The following PRLR variants were observed in gnomAD, a reference collection of about 807,000 sequenced individuals.
The protein encoded by PRLR is hPRL receptor.
Under a neutral mutation model 40.2 loss-of-function variants are expected in PRLR, and 13 were observed. The ratio of observed to expected loss-of-function variants is 0.32; its 90% CI spans 0.21 to 0.51. The LOEUF (loss-of-function observed/expected upper bound fraction) is 0.51. Among genes scored for constraint, PRLR ranks in the 20% least tolerant of loss-of-function variants. The pLI is 0.97. For missense variants in PRLR, 656 were observed against 747.3 expected (o/e 0.88, Z 1.42); for synonymous variants, 269 against 278.7 (o/e 0.97, Z 0.35).
chr5:35,227,822 C>G (rs1011332087), intron 1 of PRLR, among the ~76,000 whole-genome samples: 5 of 152,204 alleles, frequency 3.3e-5, no homozygotes, highest in African/African-American at 1.2e-4. Flanking sequence ...AGCCACAACA[C>G]TTCTTTCCAT....
intron 1 of PRLR, among the ~76,000 whole-genome samples, chr5:35,144,292 G>GTAGAACAT (rs1774111921): frequency 6.6e-6 from 1 of 152,156 alleles, no homozygotes; most frequent in Admixed American, 6.5e-5. Context: ...TTGGGGTATT[G>GTAGAACAT]TAGAACATTC....
At chr5:35,054,409 T>C (rs1768623043), downstream of PRLR, among the ~76,000 whole-genome samples, 2 of 146,640 alleles carry the variant, frequency 1.4e-5, no homozygotes, top group Non-Finnish European at 3.0e-5. Flanking sequence ...TGTTGCTAAA[T>C]AGGGGGATTA....
At position 35,193,611 on chromosome 5, in the gene PRLR, G is replaced by T. The variant is rs115407803; in HGVS notation, c.-106+36657C>A. Among the ~76,000 whole-genome samples the T allele has an allele frequency of 5.8e-3, 885 of 152,264 alleles. 12 individuals are homozygous for T. The highest frequency in any genetic ancestry group is 0.02 in the African/African-American group (835 of 41,558). Reference sequence around the variant, plus strand: ...TGGTCCTGCAATCTTTAGGTGAATTGTCAGACCCTCTGAGAGCTACCCCCT... The same window carrying T: ...TGGTCCTGCAATCTTTAGGTGAATTTTCAGACCCTCTGAGAGCTACCCCCT... On this transcript the variant is annotated intron_variant, in intron 1 of 9. Transcript: ENST00000618457.
chr5:35,187,203 C>T (rs1206007525), intron 1 of PRLR, among the ~76,000 whole-genome samples: 1 of 152,046 alleles, frequency 6.6e-6, no homozygotes, highest in Non-Finnish European at 1.5e-5. Flanking sequence ...GAGTTTGAGA[C>T]CAGTCTGGCC....
chr5:35,128,771 A>G (rs1385719251), intron 1 of PRLR, among the ~76,000 whole-genome samples: 1 of 152,188 alleles, frequency 6.6e-6, no homozygotes, highest in Non-Finnish European at 1.5e-5. Flanking sequence ...ACCTCCTCTG[A>G]GACTTGATAA....
At chr5:35,149,047 A>G (rs1274469104) in intron 1 of PRLR, among the ~76,000 whole-genome samples, 11 of 152,208 alleles carry the variant, frequency 7.2e-5, no homozygotes, top group Admixed American at 7.2e-4. Context: ...TGAGAAATAC[A>G]GCTTTAGGCT....
rs1473172174 is a variant in PRLR, at chr5:35,062,279, G to C, written c.*2810C>G. On this transcript the variant is annotated 3_prime_UTR_variant, in exon 10 of 10. Transcript: ENST00000618457. ...GGAGTCAGTTTCAAAGGACCTTAGA[G>C]GTTATCTGGTCCAACATCTTCAGAG... 1.3e-5 allele frequency: 2 copies of C among 152,152 alleles called. No individual in the cohort carries two copies. The highest frequency in any genetic ancestry group is 6.6e-5 in the Admixed American group (1 of 15,264). The allele number at this position is 152,152 out of a possible 1,614,324, so 9.4% of individuals were successfully genotyped here.
chr5:35,224,245 C>T (rs1220491211), intron 1 of PRLR, among the ~76,000 whole-genome samples: 1 of 152,208 alleles, frequency 6.6e-6, no homozygotes, highest in African/African-American at 2.4e-5. Context: ...GTTTACATAG[C>T]TCCCCGCCCC....
chr5:35,054,551 A>C (rs1768629595), downstream of PRLR, among the ~76,000 whole-genome samples: 1 of 152,226 alleles, frequency 6.6e-6, no homozygotes, highest in African/African-American at 2.4e-5. Flanking sequence ...TACAGCAGCT[A>C]TATGCATAAA....
chr5:35,168,973 C>G (rs1774924878), intron 1 of PRLR, among the ~76,000 whole-genome samples: 1 of 152,152 alleles, frequency 6.6e-6, no homozygotes, highest in African/African-American at 2.4e-5. Context: ...AAAGCAGGAT[C>G]TTCATGAAGC....
chr5:35,187,823 T>C (rs1463698281), intron 1 of PRLR, among the ~76,000 whole-genome samples: 2 of 152,134 alleles, frequency 1.3e-5, no homozygotes, highest in Non-Finnish European at 2.9e-5. Context: ...GTTTACCCAG[T>C]GAAATGAGAT....
At chr5:35,176,875 C>T (rs999514270) in intron 1 of PRLR, among the ~76,000 whole-genome samples, 1 of 152,180 alleles carries the variant, frequency 6.6e-6, no homozygotes, top group African/African-American at 2.4e-5. Flanking sequence ...AAGAGGAAGG[C>T]ATCTGTCTCC....
intron 1 of PRLR, among the ~76,000 whole-genome samples, chr5:35,204,050 CAT>C (rs1027707270): frequency 6.6e-5 from 10 of 151,918 alleles, no homozygotes; most frequent in African/African-American, 9.7e-5. Context: ...GTGGGAGGGA[CAT>C]GTGTGTTTCT....
At chr5:35,082,043 A>C (rs146532400) in intron 5 of PRLR, 1 of 153,824 alleles carries the variant, frequency 6.5e-6, no homozygotes, top group Non-Finnish European at 1.5e-5. Flanking sequence ...CAAGAGCAAG[A>C]GTGAGACCCT....
chr5:35,108,766 A>G (rs1772442859), intron 2 of PRLR, among the ~76,000 whole-genome samples: 1 of 152,250 alleles, frequency 6.6e-6, no homozygotes, highest in Non-Finnish European at 1.5e-5. Flanking sequence ...GGAATAATCA[A>G]CATCATAAAA....
intron 1 of PRLR, among the ~76,000 whole-genome samples, chr5:35,193,330 A>G (rs980857525): frequency 1.3e-5 from 2 of 152,174 alleles, no homozygotes; most frequent in African/African-American, 4.8e-5. Context: ...AGAGCTCTCT[A>G]CCCTTGTACT....
chr5:35,190,587 T>G (rs1269127245), intron 1 of PRLR, among the ~76,000 whole-genome samples: 2 of 151,044 alleles, frequency 1.3e-5, no homozygotes, highest in Non-Finnish European at 2.9e-5. Flanking sequence ...CACTCCAGCA[T>G]GGGTGACAGA....
chr5:35,224,260 C>A (rs1776496419), intron 1 of PRLR, among the ~76,000 whole-genome samples: 1 of 152,240 alleles, frequency 6.6e-6, no homozygotes, highest in Non-Finnish European at 1.5e-5. Context: ...CGCCCCACAT[C>A]TAACTCATCA....
chr5:35,092,838 T>C (rs556736895), intron 2 of PRLR, among the ~76,000 whole-genome samples: 6 of 152,294 alleles, frequency 3.9e-5, no homozygotes, highest in African/African-American at 1.4e-4. Flanking sequence ...AGCAGGTTTA[T>C]AGCAAGTTTG....
Sources: gnomAD v4.1 joint callset for allele counts (sites outside exome capture counted in the v4.1 genomes callset) on GRCh38, gnomAD v4.1.1 for gene constraint, MANE v1.5 for transcripts, NCBI Gene and HGNC (gene_info 2026-07-23, HGNC 2026-07-21) for gene names.